Variants in BEND6 observed in about 807,000 individuals in gnomAD.
BEND6 encodes the protein BEN domain containing 6.
Under a neutral mutation model 31.8 loss-of-function variants are expected in BEND6, and 24 were observed. The ratio of observed to expected loss-of-function variants is 0.75; its 90% confidence interval spans 0.55 to 1.06. The LOEUF is 1.06. Ranked by LOEUF, BEND6 falls within the 50% of genes least tolerant of loss-of-function variation. The pLI is 0.00. For synonymous variants in BEND6, 109 were observed against 114.6 expected, an observed-to-expected ratio of 0.95 and a Z score of 0.31; for missense variants, 294 against 327.4, an observed-to-expected ratio of 0.90 and a Z score of 0.79.
chr6:56,989,035 A>G (rs1826392776), intron 2 of BEND6, among the ~76,000 whole-genome samples: 1 of 149,760 alleles, frequency 6.7e-6, no homozygotes, highest in Admixed American at 6.8e-5. Flanking sequence ...CATCTCAAAA[A>G]GTAAATAAAT....
At chr6:56,968,687 A>G (rs1197996401) in intron 1 of BEND6, among the ~76,000 whole-genome samples, 1 of 152,040 alleles carries the variant, frequency 6.6e-6, no homozygotes, top group East Asian at 1.9e-4. Flanking sequence ...ACAGTTTGGC[A>G]GCATTGTCGA....
At chr6:56,977,299 G>T (rs1295153139) in intron 1 of BEND6, among the ~76,000 whole-genome samples, 2 of 152,160 alleles carry the variant, frequency 1.3e-5, no homozygotes, top group Non-Finnish European at 2.9e-5. Flanking sequence ...ACAGGTTACT[G>T]CTCAGTTGTT....
chr6:57,009,587 T>C (rs2127884567), intron 3 of BEND6: 1 of 152,224 alleles, frequency 6.6e-6, no homozygotes, highest in Admixed American at 6.5e-5. Flanking sequence ...ATGTCTTGCA[T>C]ACAAAATATA....
chr6:56,978,638 T>A (rs1825969394), intron 1 of BEND6, among the ~76,000 whole-genome samples: 1 of 152,222 alleles, frequency 6.6e-6, no homozygotes, highest in Admixed American at 6.5e-5. Context: ...TTGACTATCA[T>A]CAGTTCCAGG....
chr6:57,024,867 G>T (rs187777497), intron 6 of BEND6, among the ~76,000 whole-genome samples: 3 of 152,172 alleles, frequency 2.0e-5, no homozygotes, highest in African/African-American at 7.2e-5. Context: ...TGAGTTAATT[G>T]TCTGTATCTT....
intron 6 of BEND6, among the ~76,000 whole-genome samples, chr6:57,020,846 T>G (rs1442865823): frequency 3.7e-5 from 5 of 135,674 alleles, no homozygotes; most frequent in Non-Finnish European, 4.9e-5. Flanking sequence ...TTTTTTTTTT[T>G]TTTTTTTTAA....
chr6:57,012,699 A>G (rs548515608), intron 3 of BEND6, among the ~76,000 whole-genome samples: 101 of 152,308 alleles, frequency 6.6e-4, no homozygotes, highest in Admixed American at 1.2e-3. Context: ...TGTATACAGC[A>G]TGGTTCTAAT....
At chr6:56,985,129 G>A (rs1826210495) in intron 2 of BEND6, among the ~76,000 whole-genome samples, 1 of 152,110 alleles carries the variant, frequency 6.6e-6, no homozygotes, top group Non-Finnish European at 1.5e-5. Context: ...TACCAAATAT[G>A]CCCCAAGGTC....
chr6:56,966,508 AT>A (rs1825484936), intron 1 of BEND6, among the ~76,000 whole-genome samples: 1 of 152,196 alleles, frequency 6.6e-6, no homozygotes, highest in Admixed American at 6.5e-5. Flanking sequence ...CCACAGGAAA[AT>A]TTTAGAGTCC....
chr6:57,019,393 A>G (rs892306693), intron 6 of BEND6, among the ~76,000 whole-genome samples: 2 of 152,174 alleles, frequency 1.3e-5, no homozygotes, highest in Admixed American at 1.3e-4. Context: ...CATGTGGGTA[A>G]CACATGAGGG....
At position 57,015,794 on chromosome 6, in the gene BEND6, G is replaced by C. The variant is rs999823299; in HGVS notation, c.519+441G>C. Among the ~76,000 whole-genome samples the C allele has an allele frequency of 3.3e-4, 48 of 147,338 alleles. 1 individual carries two copies. The highest frequency in any genetic ancestry group is 1.2e-3 in the African/African-American group (48 of 39,698). On this transcript the variant is annotated intron_variant, in intron 4 of 6. Coordinates refer to ENST00000370746, the MANE Select transcript of BEND6 (RefSeq NM_152731.3). ...CCACTGCACTCCAGCCTGGGCGACAGAGCGAGACTCCGTCTGAAAAAAAAA... is the reference window on the plus strand; with the variant it reads ...CCACTGCACTCCAGCCTGGGCGACACAGCGAGACTCCGTCTGAAAAAAAAA...
chr6:56,995,453 G>A lies in BEND6; in HGVS notation c.298+2898G>A, dbSNP rs77698517. ...CATGTATTAGCTAGCTAGGGCTGCAGTGACAAAGTACCACAAACTAGGTGG... is the reference window on the plus strand; with the variant it reads ...CATGTATTAGCTAGCTAGGGCTGCAATGACAAAGTACCACAAACTAGGTGG... On this transcript the variant is annotated intron_variant, in intron 3 of 6. Coordinates refer to ENST00000370746, the MANE Select transcript of BEND6 (RefSeq NM_152731.3). 6.2e-3 allele frequency among the ~76,000 whole-genome samples: 944 copies of A among 152,242 alleles called. 11 individuals carry two copies. Among genetic ancestry groups the A allele is most frequent in the Middle Eastern group, 0.044 (13 of 294 alleles).
intron 1 of BEND6, among the ~76,000 whole-genome samples, chr6:56,975,176 T>C (rs765484520): frequency 1.3e-5 from 2 of 152,238 alleles, no homozygotes; most frequent in South Asian, 2.1e-4. Flanking sequence ...GTAAAGCTGA[T>C]CAGCTGTCCA....
At chr6:57,010,616 A>T in intron 3 of BEND6, 1 of 884,040 alleles carries the variant, frequency 1.1e-6, no homozygotes, top group Non-Finnish European at 1.4e-6. Flanking sequence ...GTATAAGTGG[A>T]TTGAGACTTG....
At chr6:56,968,341 G>C (rs1825564225) in intron 1 of BEND6, among the ~76,000 whole-genome samples, 1 of 73,400 alleles carries the variant, frequency 1.4e-5, no homozygotes, top group African/African-American at 5.8e-5. Context: ...TTTTTTTTGA[G>C]ACAGGGTCTC....
At chr6:57,009,236 T>C (rs1210765439) in intron 3 of BEND6, 2 of 152,112 alleles carry the variant, frequency 1.3e-5, no homozygotes, top group Non-Finnish European at 2.9e-5. Flanking sequence ...GGGATTACTA[T>C]AGTTAACAAT....
At position 57,013,245 on chromosome 6, in the gene BEND6, A is replaced by T. The variant is rs1479507955; in HGVS notation, c.299-1888A>T. ...CCCTCATATTCAATAATTTGCTATA[A>T]TAGAAAAACTCACAGAACATTTGTT... On this transcript the variant is annotated intron_variant, in intron 3 of 6. Transcript: ENST00000370746. 2.0e-5 allele frequency among the ~76,000 whole-genome samples: 3 copies of T among 152,234 alleles called. No individual in the cohort carries two copies. In the East Asian group the frequency reaches 5.8e-4, roughly 29 times the overall value.
intron 2 of BEND6, among the ~76,000 whole-genome samples, chr6:56,987,186 G>A (rs905246974): frequency 6.6e-6 from 1 of 151,848 alleles, no homozygotes; most frequent in African/African-American, 2.4e-5. Context: ...CACCATATTG[G>A]CCAGGCTGGT....
At chr6:56,957,660 G>C (rs1825137216) in intron 1 of BEND6, among the ~76,000 whole-genome samples, 1 of 152,178 alleles carries the variant, frequency 6.6e-6, no homozygotes, top group Non-Finnish European at 1.5e-5. Flanking sequence ...TAGGGATGGA[G>C]GGGGAGAGCC....
Sources: gnomAD v4.1 joint callset for allele counts (sites outside exome capture counted in the v4.1 genomes callset) on GRCh38, gnomAD v4.1.1 for gene constraint, MANE v1.5 for transcripts, NCBI Gene and HGNC (gene_info 2026-07-23, HGNC 2026-07-21) for gene names.